ALMS1: variants seen among roughly 807,000 people sequenced by gnomAD.
The protein encoded by ALMS1 is centrosome-associated protein ALMS1.
A neutral mutation model predicts 352.2 loss-of-function variants in ALMS1; 271 were observed. The ratio of observed to expected loss-of-function variants is 0.77; its 90% CI spans 0.70 to 0.85. ALMS1 has a LOEUF of 0.85. ALMS1 is among the 40% of genes least tolerant of loss of function. The pLI is 0.00. For synonymous variants in ALMS1, 1,865 were observed against 1,761.2 expected (o/e 1.06, Z -1.48); for missense variants, 5,445 against 4,870.7 (o/e 1.12, Z -3.51).
At chr2:73,397,848 T>TC (rs1670794406) in intron 1 of ALMS1, among the ~76,000 whole-genome samples, 1 of 152,218 alleles carries the variant, frequency 6.6e-6, no homozygotes, top group East Asian at 1.9e-4. Context: ...GCCCTGCCCC[T>TC]CTCCATAGCC....
chr2:73,464,257 G>T (rs1205679633), intron 9 of ALMS1, among the ~76,000 whole-genome samples: 1 of 152,130 alleles, frequency 6.6e-6, no homozygotes, highest in African/African-American at 2.4e-5. Flanking sequence ...ATGATCAAGT[G>T]GGCTTCATCC....
intron 10 of ALMS1, among the ~76,000 whole-genome samples, chr2:73,498,578 C>T (rs1673156956): frequency 6.6e-6 from 1 of 151,960 alleles, no homozygotes; most frequent in African/African-American, 2.4e-5. Context: ...CTACCTTTCT[C>T]AGCCTCTGGT....
chr2:73,471,346 A>G (rs899440940), intron 9 of ALMS1, among the ~76,000 whole-genome samples: 1 of 151,486 alleles, frequency 6.6e-6, no homozygotes, highest in African/African-American at 2.4e-5. Flanking sequence ...ACAGGACTGC[A>G]TCTAATTAAA....
At chr2:73,434,861 T>C (rs992201237) in intron 7 of ALMS1, among the ~76,000 whole-genome samples, 8 of 152,158 alleles carry the variant, frequency 5.3e-5, no homozygotes, top group African/African-American at 1.9e-4. Flanking sequence ...TGAAATGCAG[T>C]GCGTGGCTCA....
chr2:73,478,659 T>C (rs1317574329), intron 9 of ALMS1, among the ~76,000 whole-genome samples: 2 of 30,358 alleles, frequency 6.6e-5, no homozygotes, highest in Non-Finnish European at 1.1e-4. Flanking sequence ...TTTATTCGTT[T>C]ATTTATTTAT....
In ALMS1 at chr2:73,455,168, A is replaced by T; in HGVS notation, c.7547A>T (p.Asn2516Ile). ...EESRVRAHAW[N>I]MKFNLAHDCG... ...GTGTATGCTTTCTCTCCAGCCTGGA[A>T]TATGAAGTTCAATTTAGCACATGAT... Residue 2516 changes from asparagine to isoleucine, a missense_variant, in exon 9 of 23, where the codon AAT becomes ATT. Asn to Ile is a moderately radical substitution (Grantham distance 149, BLOSUM62 -3). Coordinates refer to ENST00000613296, the MANE Select transcript of ALMS1 (RefSeq NM_001378454.1). 1 of 1,613,270 alleles carries T rather than the reference A, an allele frequency of 6.2e-7. No individual in the cohort carries two copies. Among genetic ancestry groups the T allele is most frequent in the Non-Finnish European group, 8.5e-7 (1 of 1,179,714 alleles).
In ALMS1 at chr2:73,529,587, GGTGTTATGATCTGA is replaced by G. The variant is rs1356748868; in HGVS notation, c.9782-5234_9782-5221del. Among the ~76,000 whole-genome samples the G allele has an allele frequency of 6.6e-5, 10 of 152,228 alleles. No homozygotes were observed. In the East Asian group the frequency reaches 1.7e-3, roughly 26 times the overall value. ...CTTTCAAGGAATTCAAAGGGAGTTG[GGTGTTATGATCTGA>G]GTTTTTGGTCACTGTAGCCATATCT... On this transcript the variant is annotated intron_variant, in intron 11 of 22. Transcript: ENST00000613296.
chr2:73,483,412 G>A (rs915141871), intron 9 of ALMS1, among the ~76,000 whole-genome samples: 27 of 151,904 alleles, frequency 1.8e-4, no homozygotes, highest in Middle Eastern at 6.8e-3. Flanking sequence ...TTGAGTTCTA[G>A]TTTGATTGCA....
chr2:73,402,272 T>TC (rs1558631187), intron 1 of ALMS1, among the ~76,000 whole-genome samples: 17 of 122,036 alleles, frequency 1.4e-4, no homozygotes, highest in Admixed American at 1.8e-4. Context: ...CTCTCTCTCT[T>TC]TTTTTTTTTT....
In ALMS1 at chr2:73,534,850, C is replaced by T. The variant is rs1673992958; in HGVS notation, c.9808C>T (p.Pro3270Ser). The T allele has an allele frequency of 2.5e-6, 4 of 1,613,452 alleles. No individual in the cohort carries two copies. The highest frequency in any genetic ancestry group is 1.7e-6 in the Non-Finnish European group (2 of 1,179,588). Residue 3270 changes from proline (P) to serine (S), a missense_variant, in exon 12 of 23, where the codon CCT becomes TCT. Coordinates refer to ENST00000613296, the MANE Select transcript of ALMS1 (RefSeq NM_001378454.1). The part of the protein sequence containing the change: ...DGQPLLLPYK[P>S]SGSTKMYYVP... Reference sequence around the variant, plus strand: ...CCAGCCTTTATTATTGCCATATAAGCCTTCTGGTAGTACCAAGATGTATTA... The same window carrying T: ...CCAGCCTTTATTATTGCCATATAAGTCTTCTGGTAGTACCAAGATGTATTA...
At chr2:73,388,681 A>G (rs976475691) in intron 1 of ALMS1, among the ~76,000 whole-genome samples, 1 of 152,210 alleles carries the variant, frequency 6.6e-6, no homozygotes, top group East Asian at 1.9e-4. Flanking sequence ...ATATTCCACA[A>G]TGTATATTAA....
intron 11 of ALMS1, among the ~76,000 whole-genome samples, chr2:73,527,346 T>G (rs369747933): frequency 1.3e-5 from 2 of 152,102 alleles, no homozygotes; most frequent in African/African-American, 2.4e-5. Flanking sequence ...GTAGGATTAG[T>G]ATTAGTTCTT....
chr2:73,432,262 T>C lies in ALMS1; in HGVS notation c.1403T>C (p.Val468Ala), dbSNP rs773569879. The change falls in exon 7 of 23, where the codon GTG (valine) becomes GCG (alanine). Residue 468 changes from valine (V) to alanine (A), a missense_variant. Val to Ala is a moderately conservative substitution (Grantham distance 64). Coordinates refer to ENST00000613296, the MANE Select transcript of ALMS1 (RefSeq NM_001378454.1). The part of the protein sequence containing the change: ...LRMLRMSPDT[V>A]PKAPKHLKAG... ...ATGTTGAGGATGTCTCCTGACACTG[T>C]GCCAAAGGCTCCTAAACATTTAAAA... The C allele has an allele frequency of 7.4e-6, 12 of 1,613,038 alleles. No individual in the cohort carries two copies. The South Asian group carries it at 1.2e-4, about 16-fold the overall frequency.
At chr2:73,466,294 C>A (rs1160166497) in intron 9 of ALMS1, among the ~76,000 whole-genome samples, 2 of 151,972 alleles carry the variant, frequency 1.3e-5, no homozygotes, top group Non-Finnish European at 2.9e-5. Context: ...CCATGGAATA[C>A]TATGCAGCCA....
Position 73,452,604 on chromosome 2 carries a change from A to G in ALMS1, c.6077A>G (p.Lys2026Arg), listed in dbSNP as rs367904732. ...TCCTACTCACAAATAGAGAAGCCCA[A>G]GATTTCAACTGTGATTGGACCAAAT... ...LSSYSQIEKP[K>R]ISTVIGPNDQ... is the part of the protein sequence containing the mutation. The change falls in exon 8 of 23, where the codon AAG becomes AGG. Residue 2026 changes from lysine to arginine, a missense_variant. Lys to Arg is a conservative substitution (Grantham distance 26). Coordinates refer to ENST00000613296, the MANE Select transcript of ALMS1 (RefSeq NM_001378454.1). 11 of 1,614,004 alleles carry G rather than the reference A, an allele frequency of 6.8e-6. No homozygotes were observed. The highest frequency in any genetic ancestry group is 2.2e-5 in the East Asian group (1 of 44,890).
chr2:73,431,387 T>G (rs1364036853), intron 6 of ALMS1, among the ~76,000 whole-genome samples: 1 of 152,214 alleles, frequency 6.6e-6, no homozygotes, highest in Non-Finnish European at 1.5e-5. Context: ...ATGTACATTT[T>G]TAGACTTCAT....
chr2:73,497,015 C>T (rs1258652806), intron 10 of ALMS1, among the ~76,000 whole-genome samples: 2 of 151,996 alleles, frequency 1.3e-5, no homozygotes, highest in Non-Finnish European at 2.9e-5. Context: ...TCTTCTTATC[C>T]TCTTAAAAAA....
rs747341054 is a variant in ALMS1, at chr2:73,451,850, G to C, written c.5323G>C (p.Asp1775His). 3 of 1,613,734 alleles carry C rather than the reference G, an allele frequency of 1.9e-6. No homozygotes were observed. In the Admixed American group the frequency reaches 5.0e-5, roughly 27 times the overall value. ...PNISYQQELPDSHLTEEALKV... is the reference protein window; with the variant it reads ...PNISYQQELPHSHLTEEALKV... Reference sequence around the variant, plus strand: ...TATTTCTTACCAGCAAGAGTTGCCAGATAGTCATCTAACTGAAGAGGCTCT... The same window carrying C: ...TATTTCTTACCAGCAAGAGTTGCCACATAGTCATCTAACTGAAGAGGCTCT... The change falls in exon 8 of 23, where the codon GAT becomes CAT. Residue 1775 changes from aspartate (D) to histidine (H), a missense_variant. Asp to His is a moderately conservative substitution (Grantham distance 81). Coordinates refer to ENST00000613296, the MANE Select transcript of ALMS1 (RefSeq NM_001378454.1).
At chr2:73,426,364 T>TA (rs775289394) in intron 5 of ALMS1, 89 bp from the exon 6 acceptor site, 5 of 1,303,782 alleles carry the variant, frequency 3.8e-6, no homozygotes, top group Non-Finnish European at 4.5e-6. Flanking sequence ...TGAAAGCTGA[T>TA]ATAGGCCAAG....
Sources: allele counts gnomAD v4.1 joint callset (sites outside exome capture counted in the v4.1 genomes callset), GRCh38; gene constraint gnomAD v4.1.1; transcripts MANE v1.5; gene names NCBI Gene and HGNC (gene_info 2026-07-23, HGNC 2026-07-21).